The following PPARGC1B variants were observed in gnomAD, a reference collection of about 807,000 sequenced individuals.
The protein encoded by PPARGC1B is peroxisome proliferator-activated receptor gamma coactivator 1-beta.
A neutral mutation model predicts 101.6 loss-of-function variants in PPARGC1B; 34 were observed. The observed-to-expected ratio is 0.33, with a 90% confidence interval of 0.25 to 0.45. PPARGC1B has a LOEUF of 0.45. Among genes scored for constraint, PPARGC1B ranks in the 20% least tolerant of loss-of-function variants. The probability of loss-of-function intolerance (pLI) is 1.00; values close to 1 mark genes in which losing one functional copy is unlikely to be tolerated. For synonymous variants in PPARGC1B, 548 were observed against 539.3 expected (o/e 1.02, Z -0.22); for missense variants, 1,234 against 1,317.6 (o/e 0.94, Z 0.98).
intron 1 of PPARGC1B, among the ~76,000 whole-genome samples, chr5:149,766,336 T>TA (rs1322497794): frequency 1.3e-5 from 2 of 152,360 alleles, no homozygotes; most frequent in Admixed American, 1.3e-4. Flanking sequence ...AATAATCAGT[T>TA]AATCTATATA....
intron 3 of PPARGC1B, among the ~76,000 whole-genome samples, chr5:149,829,172 CTG>C (rs1388073206): frequency 6.6e-6 from 1 of 152,146 alleles, no homozygotes; most frequent in African/African-American, 2.4e-5. Context: ...CTCTGTGTGT[CTG>C]TGTGATTTTC....
intron 1 of PPARGC1B, among the ~76,000 whole-genome samples, chr5:149,803,008 C>T (rs1757481047): frequency 6.6e-6 from 1 of 152,156 alleles, no homozygotes; most frequent in African/African-American, 2.4e-5. Context: ...ACACCACCTC[C>T]ACCCCCTCCA....
At chr5:149,815,283 A>T (rs1758010774) in intron 1 of PPARGC1B, among the ~76,000 whole-genome samples, 1 of 152,190 alleles carries the variant, frequency 6.6e-6, no homozygotes, top group Non-Finnish European at 1.5e-5. Flanking sequence ...AGTTAAAATG[A>T]GGTCATTAGG....
At chr5:149,798,195 A>G (rs1052887139) in intron 1 of PPARGC1B, among the ~76,000 whole-genome samples, 1 of 152,244 alleles carries the variant, frequency 6.6e-6, no homozygotes, top group African/African-American at 2.4e-5. Flanking sequence ...AGCGTTCAGA[A>G]CAGTCCACCA....
chr5:149,830,903 C>T lies in PPARGC1B; in HGVS notation c.582+20C>T, dbSNP rs369020577. ...GTTAAGGTATTTCTTCACATGCCCC[C>T]AAATCTACCCCAGGTGTCTGTTGGG... On this transcript the variant is annotated intron_variant, in intron 4 of 11. Transcript: ENST00000309241. 1.3e-6 allele frequency: 2 copies of T among 1,529,030 alleles called. No homozygotes were observed. The highest frequency in any genetic ancestry group is 1.8e-6 in the Non-Finnish European group (2 of 1,102,388). 94.7% of individuals were successfully genotyped at this position (1,529,030 alleles called of 1,614,324 possible).
intron 1 of PPARGC1B, among the ~76,000 whole-genome samples, chr5:149,776,364 GT>G (rs200437537): frequency 6.6e-6 from 1 of 151,940 alleles, no homozygotes; most frequent in African/African-American, 2.4e-5. Context: ...GGTTCCAAAG[GT>G]TTTTTTTATT....
intron 1 of PPARGC1B, among the ~76,000 whole-genome samples, chr5:149,754,804 CAG>C (rs1755445899): frequency 9.5e-6 from 1 of 105,604 alleles, no homozygotes; most frequent in Admixed American, 1.2e-4. Context: ...TTTTTTTAGA[CAG>C]AGTCTTGCTC....
chr5:149,794,787 G>A (rs1757149001), intron 1 of PPARGC1B, among the ~76,000 whole-genome samples: 1 of 152,246 alleles, frequency 6.6e-6, no homozygotes, highest in African/African-American at 2.4e-5. Flanking sequence ...CACAGCAGCT[G>A]CCTCTCAGCC....
In PPARGC1B at chr5:149,819,737, G is replaced by A. The variant is rs1273115889; in HGVS notation, c.79-696G>A. Among the ~76,000 whole-genome samples the A allele has an allele frequency of 3.9e-5, 6 of 152,246 alleles. No homozygotes were observed. In the East Asian group the frequency reaches 7.7e-4, roughly 20 times the overall value. The stretch of plus-strand genomic sequence containing the variant: ...AGGCTGGTCTTGAACCCCTGACCTC[G>A]AATGATCCGCCCACCTTGGCCTCTC... On this transcript the variant is annotated intron_variant, in intron 1 of 11. Transcript: ENST00000309241.
intron 1 of PPARGC1B, among the ~76,000 whole-genome samples, chr5:149,800,864 G>A (rs1370666775): frequency 1.3e-5 from 2 of 152,244 alleles, no homozygotes; most frequent in Non-Finnish European, 2.9e-5. Context: ...CCTGATCTCA[G>A]CTCAGCTGGT....
chr5:149,750,320 A>G (rs1451051332), intron 1 of PPARGC1B, among the ~76,000 whole-genome samples: 1 of 151,804 alleles, frequency 6.6e-6, no homozygotes, highest in East Asian at 1.9e-4. Flanking sequence ...AAGTCATTCA[A>G]AATCCTCTAC....
rs762885716 is a variant in PPARGC1B, at chr5:149,820,594, C to T, written c.240C>T (p.Ser80=). ...CCAACCAGTACAGCCCCGATGACTC[C>T]GAGCTCTTCCAGGTATGCCCTTTCC... The part of the protein sequence containing the change: ...TEPNQYSPDD[S]ELFQIDSENE... Residue 80 remains serine, a synonymous_variant, in exon 2 of 12, where the codon TCC becomes TCT. Coordinates refer to ENST00000309241, the MANE Select transcript of PPARGC1B (RefSeq NM_133263.4). 2.4e-5 allele frequency: 39 copies of T among 1,611,216 alleles called. No individual in the cohort carries two copies. The highest frequency in any genetic ancestry group is 3.1e-5 in the Non-Finnish European group (37 of 1,179,660).
At position 149,833,104 on chromosome 5, in the gene PPARGC1B, G is replaced by A; in HGVS notation, c.1031G>A (p.Arg344Lys). The A allele has an allele frequency of 3.7e-6, 6 of 1,613,906 alleles. No homozygotes were observed. Among genetic ancestry groups the A allele is most frequent in the Non-Finnish European group, 4.2e-6 (5 of 1,180,036 alleles). ...KASWAEFSIL[R>K]ELLAQDVLCD... Reference sequence around the variant, plus strand: ...TCCTGGGCTGAGTTCTCCATTCTGAGGGAACTTCTGGCTCAAGACGTGCTC... The same window carrying A: ...TCCTGGGCTGAGTTCTCCATTCTGAAGGAACTTCTGGCTCAAGACGTGCTC... Residue 344 changes from arginine to lysine, a missense_variant, in exon 5 of 12, where the codon AGG becomes AAG. Physicochemically the swap from Arg to Lys is conservative, Grantham distance 26. Around this residue, in one of 3 missense-constraint regions of PPARGC1B, gnomAD observed 734 missense variants for 768.4 expected, o/e 0.96. Transcript: ENST00000309241. This position sits in a 1 kb window ranked among gnomAD's most constrained non-coding sequence, Gnocchi z 4.1.
At chr5:149,796,563 G>T (rs902222408) in intron 1 of PPARGC1B, among the ~76,000 whole-genome samples, 2 of 152,148 alleles carry the variant, frequency 1.3e-5, no homozygotes, top group Admixed American at 1.3e-4. Flanking sequence ...TTGGGGTGGG[G>T]TGAGCAAGTG....
rs1402174162 is a variant in PPARGC1B at position 149,848,669 on chromosome 5, G to A, written c.*1111G>A. The A allele has an allele frequency of 6.6e-6, 1 of 152,354 alleles. No individual in the cohort carries two copies. Among genetic ancestry groups the A allele is most frequent in the East Asian group, 1.9e-4 (1 of 5,180 alleles). 9.4% of individuals were successfully genotyped at this position (152,354 alleles called of 1,614,324 possible). On this transcript the variant is annotated 3_prime_UTR_variant, in exon 12 of 12. Transcript: ENST00000309241. ...AGCTTTGATCCTGAGTGGTCCTGCG[G>A]TTTGTCTGTGCCTGTGGACACACTG...
intron 1 of PPARGC1B, among the ~76,000 whole-genome samples, chr5:149,741,108 G>A (rs550331488): frequency 6.6e-6 from 1 of 152,148 alleles, no homozygotes; most frequent in African/African-American, 2.4e-5. Context: ...GAACTCAGCC[G>A]GGTGAGCCCT....
downstream of PPARGC1B, among the ~76,000 whole-genome samples, chr5:149,857,403 G>C (rs1759983547): frequency 6.6e-6 from 1 of 152,112 alleles, no homozygotes; most frequent in South Asian, 2.1e-4. Flanking sequence ...CCTGCCGAAG[G>C]GACTCAGAAA....
At position 149,787,428 on chromosome 5, in the gene PPARGC1B, C is replaced by T. The variant is rs1756853191; in HGVS notation, c.79-33005C>T. Among the ~76,000 whole-genome samples the T allele has an allele frequency of 2.6e-5, 4 of 152,196 alleles. No homozygotes were observed. In the South Asian group the frequency reaches 8.3e-4, roughly 31 times the overall value. On this transcript the variant is annotated intron_variant, in intron 1 of 11. Transcript: ENST00000309241. ...CCCTTGTGCCCACTGAACCTCTCCA[C>T]TTTTATATTAAACACCAAATTGGCT...
At chr5:149,751,949 C>T (rs1041845691) in intron 1 of PPARGC1B, among the ~76,000 whole-genome samples, 4 of 152,124 alleles carry the variant, frequency 2.6e-5, no homozygotes, top group African/African-American at 4.8e-5. Flanking sequence ...AAAATGGGAA[C>T]AGCAATCCCT....
Sources: gnomAD v4.1 joint callset for allele counts (sites outside exome capture counted in the v4.1 genomes callset) on GRCh38, gnomAD v4.1.1 for gene constraint, gnomAD v4.1.1 regional missense constraint, Gnocchi (gnomAD v3.1) non-coding constraint, MANE v1.5 for transcripts, NCBI Gene and HGNC (gene_info 2026-07-23, HGNC 2026-07-21) for gene names.